The following SLC22A15 variants were observed in gnomAD, a reference collection of about 807,000 sequenced individuals.
SLC22A15 encodes the protein flipt 1.
SLC22A15 carries 45 observed loss-of-function variants against 62.7 expected under a neutral mutation model. The ratio of observed to expected loss-of-function variants is 0.72; its 90% CI spans 0.56 to 0.92. SLC22A15 has a LOEUF of 0.92. Ranked by LOEUF, SLC22A15 falls within the 40% of genes least tolerant of loss-of-function variation. The pLI is 0.00. For synonymous variants in SLC22A15, 264 were observed against 267.0 expected, an observed-to-expected ratio of 0.99 and a Z score of 0.11; for missense variants, 622 against 665.6, an observed-to-expected ratio of 0.93 and a Z score of 0.72.
intron 8 of SLC22A15, among the ~76,000 whole-genome samples, chr1:116,052,859 A>G (rs893853340): frequency 2.0e-5 from 3 of 152,162 alleles, no homozygotes; most frequent in African/African-American, 7.2e-5. Context: ...GTCTGTTAGA[A>G]GGAAAACTAA....
rs1008121222 is a variant in SLC22A15, at chr1:116,053,911, A to G, written c.1172-8851A>G. Among the ~76,000 whole-genome samples the G allele has an allele frequency of 1.3e-3, 200 of 152,214 alleles. 2 individuals carry two copies. Among genetic ancestry groups the G allele is most frequent in the African/African-American group, 4.7e-3 (194 of 41,532 alleles). On this transcript the variant is annotated intron_variant, in intron 8 of 11. Transcript: ENST00000369503. ...AAAGAGCTCCTGAAGGAAGCACTAA[A>G]CATGGAAAGGAACAACCGGTACCAG...
chr1:115,992,164 A>ACTGGCTC lies in SLC22A15; in HGVS notation c.225_231dup (p.Thr78AlafsTer8). The stretch of plus-strand genomic sequence containing the variant: ...GCTGGTGAAGACCAGGCCTTTGGGG[A>ACTGGCTC]CTGGCTCCTGACAGCCAACGGCAGT... On this transcript the variant is annotated frameshift_variant, in exon 2 of 12. Transcript: ENST00000369503. LOFTEE classifies it high-confidence loss of function. The ACTGGCTC allele has an allele frequency of 1.2e-6, 2 of 1,612,876 alleles. No homozygotes were observed. The highest frequency in any genetic ancestry group is 2.2e-5 in the East Asian group (1 of 44,860).
intron 2 of SLC22A15, among the ~76,000 whole-genome samples, chr1:115,997,857 C>T (rs1655504233): frequency 6.6e-6 from 1 of 152,050 alleles, no homozygotes; most frequent in Non-Finnish European, 1.5e-5. Context: ...AATAGACATC[C>T]TTGTCTTGTT....
At chr1:116,027,647 C>A (rs961168852) in intron 5 of SLC22A15, among the ~76,000 whole-genome samples, 1 of 150,920 alleles carries the variant, frequency 6.6e-6, no homozygotes, top group Non-Finnish European at 1.5e-5. Context: ...TTTTTTGAGA[C>A]GGAGTTTCGC....
chr1:116,010,978 G>C (rs572862252), intron 2 of SLC22A15, among the ~76,000 whole-genome samples: 2 of 152,336 alleles, frequency 1.3e-5, no homozygotes, highest in East Asian at 3.9e-4. Flanking sequence ...AGGGTGACCT[G>C]CCCTTTGTCT....
intron 1 of SLC22A15, among the ~76,000 whole-genome samples, chr1:115,990,919 G>A (rs1397473445): frequency 3.7e-4 from 57 of 152,092 alleles, no homozygotes; most frequent in South Asian, 1.0e-3. Flanking sequence ...CACCACACCC[G>A]GAAAATTTGT....
At chr1:116,004,188 A>G (rs1655866544) in intron 2 of SLC22A15, among the ~76,000 whole-genome samples, 2 of 152,196 alleles carry the variant, frequency 1.3e-5, no homozygotes. Context: ...GCAGCACCCA[A>G]TAAAGCCTTC....
intron 1 of SLC22A15, among the ~76,000 whole-genome samples, chr1:115,988,989 T>C (rs1655018774): frequency 2.6e-5 from 4 of 152,140 alleles, no homozygotes; most frequent in African/African-American, 9.7e-5. Context: ...ACTATGGGTA[T>C]TGGAGGAGAC....
rs1160374068 is a variant in SLC22A15 at position 116,044,233 on chromosome 1, C to T, written c.1171+6845C>T. Reference sequence around the variant, plus strand: ...AAATATTAGCAAATTGAGTCCAGCACTGCATAAAAAAGGCAATACATAATG... The same window carrying T: ...AAATATTAGCAAATTGAGTCCAGCATTGCATAAAAAAGGCAATACATAATG... On this transcript the variant is annotated intron_variant, in intron 8 of 11. Coordinates refer to ENST00000369503, the MANE Select transcript of SLC22A15 (RefSeq NM_018420.3). 2.0e-5 allele frequency among the ~76,000 whole-genome samples: 3 copies of T among 152,212 alleles called. No individual in the cohort carries two copies. The East Asian group carries it at 5.8e-4, about 29-fold the overall frequency.
intron 9 of SLC22A15, 28 bp downstream of exon 9, chr1:116,062,910 C>G: frequency 6.2e-7 from 1 of 1,610,768 alleles, no homozygotes; most frequent in South Asian, 1.1e-5. Context: ...CCTCATTCTT[C>G]ACACATTCTA....
chr1:116,031,374 CT>C lies in SLC22A15; in HGVS notation c.738del (p.Glu247AsnfsTer12). The C allele has an allele frequency of 6.2e-7, 1 of 1,612,346 alleles. No homozygotes were observed. Among genetic ancestry groups the C allele is most frequent in the Non-Finnish European group, 8.5e-7 (1 of 1,179,038 alleles). On this transcript the variant is annotated frameshift_variant, in exon 6 of 12. Transcript: ENST00000369503. LOFTEE classifies it high-confidence loss of function. ...TVVFLLSLFI[P>X]ESPRWLYSQG... is the part of the protein sequence containing the mutation. ...AATGACATCTCTTTCAGATTCATTC[CT>C]GAATCACCTCGTTGGTTATACTCCC...
intron 3 of SLC22A15, 78 bp downstream of exon 3, chr1:116,019,792 A>C: frequency 6.9e-7 from 1 of 1,459,154 alleles, no homozygotes; most frequent in South Asian, 1.3e-5. Flanking sequence ...TAAGGGGACT[A>C]TTTCCTTAAG....
At position 115,983,424 on chromosome 1, in the gene SLC22A15, ATG is replaced by A. The variant is rs139389518; in HGVS notation, c.87+6725_87+6726del. Reference sequence around the variant, plus strand: ...GAGAAGCAGGACCCCTAGGATGGAGATGTGTGTGTGTGTGTGCACGCGCACAT... The same window carrying A: ...GAGAAGCAGGACCCCTAGGATGGAGATGTGTGTGTGTGTGCACGCGCACAT... On this transcript the variant is annotated intron_variant, in intron 1 of 11. Transcript: ENST00000369503. 6.0e-5 allele frequency among the ~76,000 whole-genome samples: 9 copies of A among 151,172 alleles called. No individual in the cohort carries two copies. The East Asian group carries it at 9.7e-4, about 16-fold the overall frequency.
intron 6 of SLC22A15, chr1:116,032,094 C>T (rs1209164505): frequency 3.0e-6 from 3 of 985,210 alleles, no homozygotes; most frequent in African/African-American, 3.5e-5. Flanking sequence ...GATGGGACCC[C>T]AGGAGTTTGA....
Position 116,026,947 on chromosome 1 carries a change from G to A in SLC22A15, c.653G>A (p.Gly218Glu). 1 of 1,613,866 alleles carries A rather than the reference G, an allele frequency of 6.2e-7. No homozygotes were observed. The highest frequency in any genetic ancestry group is 2.2e-5 in the East Asian group (1 of 44,876). ...GGCATTGCCCAATATGCCCTGTTAG[G>A]ATACTTCATCCGCTCCTGGAGGACC... ...AVGIAQYALL[G>E]YFIRSWRTLA... Residue 218 changes from glycine (G) to glutamate (E), a missense_variant, in exon 5 of 12, where the codon GGA becomes GAA. Transcript: ENST00000369503.
chr1:116,054,339 C>A (rs1658142463), intron 8 of SLC22A15, among the ~76,000 whole-genome samples: 1 of 151,638 alleles, frequency 6.6e-6, no homozygotes, highest in South Asian at 2.1e-4. Context: ...GGGATCAATT[C>A]AACAAGAAGA....
rs768640311 is a variant in SLC22A15, at chr1:116,031,386, G to A, written c.749G>A (p.Arg250His). 6.8e-6 allele frequency: 11 copies of A among 1,613,288 alleles called. No individual in the cohort carries two copies. Among genetic ancestry groups the A allele is most frequent in the South Asian group, 4.4e-5 (4 of 91,052 alleles). The change falls in exon 6 of 12, where the codon CGT becomes CAT. Residue 250 changes from arginine (R) to histidine (H), a missense_variant. Coordinates refer to ENST00000369503, the MANE Select transcript of SLC22A15 (RefSeq NM_018420.3). ...TTCAGATTCATTCCTGAATCACCTC[G>A]TTGGTTATACTCCCAGGGTCGACTG... is the stretch of plus-strand genomic sequence containing the variant. ...LLSLFIPESP[R>H]WLYSQGRLSE...
At chr1:116,034,826 G>A (rs2101465034) in intron 6 of SLC22A15, among the ~76,000 whole-genome samples, 1 of 152,310 alleles carries the variant, frequency 6.6e-6, no homozygotes, top group East Asian at 1.9e-4. Context: ...TCTATAACAA[G>A]TGTTCCATAA....
At chr1:116,059,483 C>T (rs1439238388) in intron 8 of SLC22A15, among the ~76,000 whole-genome samples, 1 of 151,896 alleles carries the variant, frequency 6.6e-6, no homozygotes, top group Non-Finnish European at 1.5e-5. Context: ...TAGTCAACAA[C>T]AAAAAAGGAA....
Sources: gnomAD v4.1 joint callset for allele counts (sites outside exome capture counted in the v4.1 genomes callset) on GRCh38, gnomAD v4.1.1 for gene constraint, MANE v1.5 for transcripts, NCBI Gene and HGNC (gene_info 2026-07-23, HGNC 2026-07-21) for gene names.